Variants in SIN3A observed in about 807,000 individuals in gnomAD.
SIN3A encodes the protein paired amphipathic helix protein Sin3a.
SIN3A carries 14 observed loss-of-function variants against 146.1 expected under a neutral mutation model. The observed-to-expected ratio is 0.10, with a 90% CI of 0.06 to 0.15. The LOEUF is 0.15. Ranked by LOEUF, SIN3A falls within the 10% of genes least tolerant of loss-of-function variation. SIN3A has a pLI of 1.00. For synonymous variants in SIN3A, 572 were observed against 572.0 expected (o/e 1.00, Z 0.00); for missense variants, 1,028 against 1,576.0 (o/e 0.65, Z 5.89).
At chr15:75,436,135 AAAAAAAAAC>A (rs928896710) in intron 1 of SIN3A, among the ~76,000 whole-genome samples, 5 of 151,086 alleles carry the variant, frequency 3.3e-5, no homozygotes, top group South Asian at 2.1e-4. Flanking sequence ...CTCTGTCTCA[AAAAAAAAAC>A]AAAAAAAACA....
chr15:75,444,433 G>A (rs1001422420), intron 1 of SIN3A, among the ~76,000 whole-genome samples: 1 of 151,952 alleles, frequency 6.6e-6, no homozygotes, highest in Middle Eastern at 3.4e-3. Context: ...GAACAAGACC[G>A]CATCTCAAAA....
At chr15:75,423,496 G>A (rs760283329) in intron 2 of SIN3A, among the ~76,000 whole-genome samples, 4 of 152,058 alleles carry the variant, frequency 2.6e-5, no homozygotes, top group Non-Finnish European at 5.9e-5. Flanking sequence ...GGCTAGCATG[G>A]TGAAACCCCG....
intron 1 of SIN3A, among the ~76,000 whole-genome samples, chr15:75,450,861 A>G (rs2141648624): frequency 6.6e-6 from 1 of 152,056 alleles, no homozygotes; most frequent in African/African-American, 2.4e-5. Context: ...GGAGGCGGAA[A>G]CCCGGGGCCT....
intron 1 of SIN3A, among the ~76,000 whole-genome samples, chr15:75,441,283 A>C (rs1017521312): frequency 6.6e-6 from 1 of 152,104 alleles, no homozygotes; most frequent in African/African-American, 2.4e-5. Context: ...CAGCGTGGGC[A>C]ACAGAGCCAG....
In SIN3A at chr15:75,389,865, A is replaced by G. The variant is rs2073164709; in HGVS notation, c.2852-44T>C. 2.5e-6 allele frequency: 4 copies of G among 1,596,356 alleles called. No individual in the cohort carries two copies. In the South Asian group the frequency reaches 4.5e-5, roughly 18 times the overall value. On this transcript the variant is annotated intron_variant, in intron 15 of 20. Transcript: ENST00000394947. ...TGGTGAGGCCTTACCTTGCTAAGAA[A>G]AGACTAGGGATAGAGTACAGGGCAA...
At chr15:75,450,198 C>T (rs1196520698) in intron 1 of SIN3A, among the ~76,000 whole-genome samples, 2 of 152,008 alleles carry the variant, frequency 1.3e-5, no homozygotes, top group Non-Finnish European at 2.9e-5. Flanking sequence ...AAAAACAAAC[C>T]CTACTTTATA....
At chr15:75,438,846 T>C (rs1214363263) in intron 1 of SIN3A, among the ~76,000 whole-genome samples, 1 of 152,232 alleles carries the variant, frequency 6.6e-6, no homozygotes, top group Non-Finnish European at 1.5e-5. Flanking sequence ...CATCGCAGTA[T>C]TAAGTCAATG....
intron 19 of SIN3A, among the ~76,000 whole-genome samples, chr15:75,378,070 G>C (rs1264602971): frequency 6.6e-6 from 1 of 152,176 alleles, no homozygotes; most frequent in Non-Finnish European, 1.5e-5. Flanking sequence ...AAATCAATGT[G>C]ATTTCTTTTG....
In SIN3A at chr15:75,434,402, C is replaced by T. The variant is rs569053812; in HGVS notation, c.-33-3994G>A. On this transcript the variant is annotated intron_variant, in intron 1 of 20. Coordinates refer to ENST00000394947, the MANE Select transcript of SIN3A (RefSeq NM_001145358.2). ...CGGTGGCTCATGCCTGTAATCCCAGCGCTTTGGGAGGCCGAGGCAGGCGGA... is the reference window on the plus strand; with the variant it reads ...CGGTGGCTCATGCCTGTAATCCCAGTGCTTTGGGAGGCCGAGGCAGGCGGA... Among the ~76,000 whole-genome samples, 17 of 152,272 alleles carry T rather than the reference C, an allele frequency of 1.1e-4. 1 individual carries two copies. In the South Asian group the frequency reaches 2.1e-3, roughly 19 times the overall value.
chr15:75,372,266 T>A (rs1212778281), intron 20 of SIN3A, 57 bp from the exon 21 acceptor site: 1 of 1,207,012 alleles, frequency 8.3e-7, no homozygotes, highest in Non-Finnish European at 1.2e-6. Context: ...AAAGAGCCCT[T>A]CAAATACAAA....
chr15:75,437,969 A>G (rs896052057), intron 1 of SIN3A, among the ~76,000 whole-genome samples: 1 of 152,058 alleles, frequency 6.6e-6, no homozygotes, highest in Non-Finnish European at 1.5e-5. Context: ...AGATTAAGCA[A>G]GATTGCACCA....
At chr15:75,444,679 G>A (rs750684983) in intron 1 of SIN3A, among the ~76,000 whole-genome samples, 1 of 151,928 alleles carries the variant, frequency 6.6e-6, no homozygotes, top group African/African-American at 2.4e-5. Flanking sequence ...GACCAATCTG[G>A]GCAATACAGA....
chr15:75,446,670 T>C (rs765696531), intron 1 of SIN3A, among the ~76,000 whole-genome samples: 4 of 151,952 alleles, frequency 2.6e-5, no homozygotes, highest in Non-Finnish European at 5.9e-5. Flanking sequence ...TTTTAATTTT[T>C]TTATAGAGAC....
intron 1 of SIN3A, chr15:75,436,416 A>G (rs1246714748): frequency 2.0e-5 from 3 of 152,190 alleles, no homozygotes; most frequent in Non-Finnish European, 4.4e-5. Flanking sequence ...GGCTGAGGTG[A>G]GCTGAGATCT....
At chr15:75,394,225 C>T (rs2073261686) in intron 14 of SIN3A, among the ~76,000 whole-genome samples, 2 of 152,332 alleles carry the variant, frequency 1.3e-5, no homozygotes, top group South Asian at 2.1e-4. Flanking sequence ...ACTGAGCCCA[C>T]GGAAACCAGG....
chr15:75,416,585 C>T (rs749585232), intron 3 of SIN3A, among the ~76,000 whole-genome samples: 46 of 152,196 alleles, frequency 3.0e-4, no homozygotes, highest in Non-Finnish European at 6.5e-4. Context: ...CTCAGCCTCC[C>T]AAAGTCCTGG....
intron 9 of SIN3A, 77 bp downstream of exon 9, chr15:75,406,978 G>A (rs1279518246): frequency 1.5e-5 from 16 of 1,064,834 alleles, no homozygotes; most frequent in African/African-American, 3.2e-5. Flanking sequence ...CCTTTAAAAC[G>A]AAACCTTCCA....
Position 75,410,005 on chromosome 15 carries a change from A to G in SIN3A, c.1162-14T>C. On this transcript the variant is annotated splice_polypyrimidine_tract_variant and intron_variant, in intron 7 of 20. Transcript: ENST00000394947. ...TTTGCTTAAAAGCTGATTAAGACAC[A>G]TGAATGAGATTAATGCTCTTATCAA... The G allele has an allele frequency of 6.2e-7, 1 of 1,613,804 alleles. No individual in the cohort carries two copies. The highest frequency in any genetic ancestry group is 8.5e-7 in the Non-Finnish European group (1 of 1,179,752).
In SIN3A at chr15:75,401,411, G is replaced by C. The variant is rs151044224; in HGVS notation, c.1526+441C>G. On this transcript the variant is annotated intron_variant, in intron 10 of 20. Coordinates refer to ENST00000394947, the MANE Select transcript of SIN3A (RefSeq NM_001145358.2). The stretch of plus-strand genomic sequence containing the variant: ...GCCGGGCGTGTGGTGACAGGCACCT[G>C]TAATCCCAGCTACTTGGGGGGCCGA... Among the ~76,000 whole-genome samples the C allele has an allele frequency of 2.0e-4, 31 of 152,170 alleles. No individual in the cohort carries two copies. In the East Asian group the frequency reaches 5.8e-3, roughly 28 times the overall value.
Sources: gnomAD v4.1 joint callset for allele counts (sites outside exome capture counted in the v4.1 genomes callset) on GRCh38, gnomAD v4.1.1 for gene constraint, MANE v1.5 for transcripts, NCBI Gene and HGNC (gene_info 2026-07-23, HGNC 2026-07-21) for gene names.